WDR91: variants seen among roughly 807,000 people sequenced by gnomAD.
WDR91 encodes WD repeat domain 91.
A neutral mutation model predicts 88.4 loss-of-function variants in WDR91; 52 were observed. The observed-to-expected ratio is 0.59, with a 90% CI of 0.47 to 0.74. The LOEUF is 0.74. Ranked by LOEUF, WDR91 falls within the 30% of genes least tolerant of loss-of-function variation. The pLI, the probability that WDR91 is intolerant of heterozygous loss-of-function variation, is 0.00. For synonymous variants in WDR91, 362 were observed against 389.5 expected (o/e 0.93, Z 0.83); for missense variants, 824 against 954.5 (o/e 0.86, Z 1.80).
rs1831438886 is a variant in WDR91 at position 135,198,079 on chromosome 7, C to T, written c.964G>A (p.Glu322Lys). The change falls in exon 7 of 15, where the codon GAG (glutamate) becomes AAG (lysine). Residue 322 changes from glutamate to lysine, a missense_variant. Physicochemically the swap from Glu to Lys is moderately conservative, Grantham distance 56. Transcript: ENST00000354475. The part of the protein sequence containing the change: ...KSLLSGLATG[E>K]SGWSQHRQRR... The stretch of plus-strand genomic sequence containing the variant: ...TGCCGGTGCTGTGACCAACCGGACT[C>T]CCCAGTGGCCAGCCCGCTGAGGAGG... The T allele has an allele frequency of 6.2e-7, 1 of 1,613,994 alleles. No homozygotes were observed.
intron 11 of WDR91, among the ~76,000 whole-genome samples, chr7:135,191,959 G>T (rs1831181054): frequency 6.6e-6 from 1 of 152,176 alleles, no homozygotes. Flanking sequence ...CAGTGGGCAG[G>T]GAGGGGCACG....
At chr7:135,208,391 G>A (rs1293372062) in intron 3 of WDR91, among the ~76,000 whole-genome samples, 1 of 152,166 alleles carries the variant, frequency 6.6e-6, no homozygotes, top group African/African-American at 2.4e-5. Context: ...AACCCAAGAA[G>A]TCTTCTCATC....
intron 10 of WDR91, 70 bp from the exon 11 acceptor site, chr7:135,193,469 G>A (rs879807911): frequency 6.2e-6 from 10 of 1,610,168 alleles, no homozygotes; most frequent in African/African-American, 1.3e-5. Flanking sequence ...TTGGTCCTGA[G>A]GCTGGATCCT....
chr7:135,194,554 A>T (rs1413356221), intron 9 of WDR91, among the ~76,000 whole-genome samples: 1 of 152,212 alleles, frequency 6.6e-6, no homozygotes, highest in Non-Finnish European at 1.5e-5. Context: ...CACAAAATAG[A>T]ACACCAGCCC....
chr7:135,186,398 G>T, intron 14 of WDR91, 83 bp from the exon 15 acceptor site: 1 of 1,456,300 alleles, frequency 6.9e-7, no homozygotes, highest in Non-Finnish European at 9.3e-7. Flanking sequence ...CCTACCTGAG[G>T]ATGTGCCTGA....
chr7:135,195,018 G>A lies in WDR91; in HGVS notation c.1311C>T (p.Phe437=). ...ATGCTTTGGTCTGCATGATGGGGTTGAAGGACCACACTTTGATGACCCCAT... is the reference window on the plus strand; with the variant it reads ...ATGCTTTGGTCTGCATGATGGGGTTAAAGGACCACACTTTGATGACCCCAT... The part of the protein sequence containing the change: ...DVDGVIKVWS[F]NPIMQTKASS... Residue 437 remains phenylalanine, a synonymous_variant, in exon 9 of 15, where the codon TTC becomes TTT. Coordinates refer to ENST00000354475, the MANE Select transcript of WDR91 (RefSeq NM_014149.4). 1 of 1,614,138 alleles carries A rather than the reference G, an allele frequency of 6.2e-7. No individual in the cohort carries two copies. The highest frequency in any genetic ancestry group is 1.1e-5 in the South Asian group (1 of 91,068).
chr7:135,210,618 C>T (rs188340979), intron 1 of WDR91, among the ~76,000 whole-genome samples: 12 of 152,304 alleles, frequency 7.9e-5, no homozygotes, highest in Non-Finnish European at 1.6e-4. Flanking sequence ...GTTTGGATAT[C>T]AATACCAATC....
At chr7:135,202,059 C>T (rs1831594234) in intron 6 of WDR91, 1 of 152,264 alleles carries the variant, frequency 6.6e-6, no homozygotes, top group East Asian at 1.9e-4. Flanking sequence ...ACACAATAAG[C>T]CTTATTATTC....
Position 135,207,102 on chromosome 7 carries a change from A to G in WDR91, c.594+18T>C. On this transcript the variant is annotated intron_variant, in intron 4 of 14. Coordinates refer to ENST00000354475, the MANE Select transcript of WDR91 (RefSeq NM_014149.4). ...AAGCAGAAGTACTTCCTCAGGAGCA[A>G]GCCTGTTCAGAACAAACCTTCTGAC... is the stretch of plus-strand genomic sequence containing the variant. 6.3e-7 allele frequency: 1 copy of G among 1,595,052 alleles called. No homozygotes were observed. The highest frequency in any genetic ancestry group is 8.6e-7 in the Non-Finnish European group (1 of 1,166,948).
Position 135,185,641 on chromosome 7 carries a change from G to C in WDR91, c.*510C>G, listed in dbSNP as rs949879153. ...CTTGTTACCCAGCAGAACAGACAGA[G>C]AGCTGACCTGGCTCCATGGCAAAGC... On this transcript the variant is annotated 3_prime_UTR_variant, in exon 15 of 15. Coordinates refer to ENST00000354475, the MANE Select transcript of WDR91 (RefSeq NM_014149.4). The C allele has an allele frequency of 6.6e-6, 1 of 152,350 alleles. No homozygotes were observed. The highest frequency in any genetic ancestry group is 2.4e-5 in the African/African-American group (1 of 41,454). The allele number at this position is 152,350 out of a possible 1,614,324, so 9.4% of individuals were successfully genotyped here.
intron 3 of WDR91, 23 bp from the exon 4 acceptor site, chr7:135,207,225 C>T (rs1352343410): frequency 1.3e-6 from 2 of 1,589,716 alleles, no homozygotes; most frequent in South Asian, 1.1e-5. Context: ...AAAGAATAAG[C>T]CAGCCCCTGA....
In WDR91 at chr7:135,196,253, G is replaced by A. The variant is rs755516464; in HGVS notation, c.1135C>T (p.Arg379Trp). 3.7e-5 allele frequency: 59 copies of A among 1,611,614 alleles called. No individual in the cohort carries two copies. The Admixed American group carries it at 6.9e-4, about 19-fold the overall frequency. The part of the protein sequence containing the change: ...LHTEPVEPLT[R>W]ASSAGPEGGG... ...CCCTCAGGGCCTGCCGAGGATGCCC[G>A]AGTCAGTGGCTCCACTGGCTCCGTG... Residue 379 changes from arginine to tryptophan, a missense_variant, in exon 8 of 15, where the codon CGG becomes TGG. Physicochemically the swap from Arg to Trp is moderately radical, Grantham distance 101 (BLOSUM62 -3). Transcript: ENST00000354475. This position sits in a 1 kb window ranked among gnomAD's most constrained non-coding sequence, Gnocchi z 4.2.
intron 8 of WDR91, among the ~76,000 whole-genome samples, 154 bp downstream of exon 8, chr7:135,195,990 T>C (rs997702437): frequency 1.3e-5 from 2 of 149,056 alleles, no homozygotes; most frequent in Non-Finnish European, 3.0e-5. Context: ...ACCAGTCCAC[T>C]GGCAGCTCCA....
Position 135,208,933 on chromosome 7 carries a change from A to G in WDR91, c.369T>C (p.Ala123=). 2 of 1,614,176 alleles carry G rather than the reference A, an allele frequency of 1.2e-6. No homozygotes were observed. The highest frequency in any genetic ancestry group is 1.7e-6 in the Non-Finnish European group (2 of 1,180,010). Residue 123 remains alanine (A), a synonymous_variant, in exon 3 of 15, where the codon GCT becomes GCC. Transcript: ENST00000354475. ...GCAGGACAAACCAATCCTTCCACTC[A>G]GCCTGGTTCTGGAGTTCCGTGGCCT... The part of the protein sequence containing the change: ...AKQATELQNQ[A]EWKDWFVLPF...
At position 135,188,743 on chromosome 7, in the gene WDR91, C is replaced by T. The variant is rs1322844004; in HGVS notation, c.1769-198G>A. Among the ~76,000 whole-genome samples, 4 of 152,328 alleles carry T rather than the reference C, an allele frequency of 2.6e-5. No individual in the cohort carries two copies. The Middle Eastern group carries it at 0.01, about 389-fold the overall frequency. On this transcript the variant is annotated intron_variant, in intron 12 of 14. Transcript: ENST00000354475. ...GGCTGCTTCTAAGCCTCAGAGGCAGCTTCTTTCACCAGGTCAGAAGTGAGG... is the reference window on the plus strand; with the variant it reads ...GGCTGCTTCTAAGCCTCAGAGGCAGTTTCTTTCACCAGGTCAGAAGTGAGG...
At chr7:135,188,688 G>A (rs760629198) in intron 12 of WDR91, 143 bp from the exon 13 acceptor site, 19 of 683,778 alleles carry the variant, frequency 2.8e-5, no homozygotes, top group South Asian at 5.2e-5. Context: ...CCCAATGAGC[G>A]CCATAAAGCT....
In WDR91 at chr7:135,185,683, G is replaced by A. The variant is rs1830910274; in HGVS notation, c.*468C>T. 6.5e-6 allele frequency: 1 copy of A among 153,000 alleles called. No homozygotes were observed. The highest frequency in any genetic ancestry group is 1.5e-5 in the Non-Finnish European group (1 of 68,582). The allele number at this position is 153,000 out of a possible 1,614,324, so 9.5% of individuals were successfully genotyped here. On this transcript the variant is annotated 3_prime_UTR_variant, in exon 15 of 15. Coordinates refer to ENST00000354475, the MANE Select transcript of WDR91 (RefSeq NM_014149.4). ...TGGCAAAGCAACAGGAGAGCCTGGA[G>A]AGGTTCAGTTCAGGGCCAGCAGAGC...
rs1305801189 is a variant in WDR91, at chr7:135,193,597, T to C, written c.1471A>G (p.Ile491Val). 1 of 1,614,056 alleles carries C rather than the reference T, an allele frequency of 6.2e-7. No homozygotes were observed. Among genetic ancestry groups the C allele is most frequent in the Non-Finnish European group, 8.5e-7 (1 of 1,180,040 alleles). Residue 491 changes from isoleucine (I) to valine (V), a missense_variant, in exon 10 of 15, where the codon ATC (isoleucine) becomes GTC (valine). Ile to Val is a conservative substitution (Grantham distance 29, BLOSUM62 3). Transcript: ENST00000354475. ...GTTCACCTGGGCATGTTGTCGTTGA[T>C]ATTGATTTCACAGAGATTCTTCTTG... ...EAKKNLCEIN[I>V]NDNMPRILSL...
intron 3 of WDR91, chr7:135,207,403 T>G (rs758284082): frequency 3.4e-6 from 2 of 580,450 alleles, no homozygotes; most frequent in South Asian, 2.8e-5. Flanking sequence ...TGGCCTCATT[T>G]CATTCGGACA....
Sources: allele counts gnomAD v4.1 joint callset (sites outside exome capture counted in the v4.1 genomes callset), GRCh38; gene constraint gnomAD v4.1.1; non-coding constraint Gnocchi (gnomAD v3.1); transcripts MANE v1.5; gene names NCBI Gene and HGNC (gene_info 2026-07-23, HGNC 2026-07-21).